The following TARS1 variants were observed in gnomAD, a reference collection of about 807,000 sequenced individuals.
TARS1 encodes the protein threonine--tRNA ligase 1, cytoplasmic.
A neutral mutation model predicts 97.7 loss-of-function variants in TARS1; 57 were observed. The ratio of observed to expected loss-of-function variants is 0.58; its 90% CI spans 0.47 to 0.73. The LOEUF (loss-of-function observed/expected upper bound fraction) is 0.73. Among genes scored for constraint, TARS1 ranks in the 30% least tolerant of loss-of-function variants. TARS1 has a pLI of 0.00. For synonymous variants in TARS1, 312 were observed against 293.7 expected (o/e 1.06, Z -0.64); for missense variants, 806 against 888.3 (o/e 0.91, Z 1.18).
At chr5:33,454,488 C>G (rs1385791348) in intron 4 of TARS1, among the ~76,000 whole-genome samples, 1 of 151,980 alleles carries the variant, frequency 6.6e-6, no homozygotes, top group Non-Finnish European at 1.5e-5. Context: ...CGGGTTGTAC[C>G]ACCTTTGTTT....
intron 2 of TARS1, 33 bp downstream of exon 2, chr5:33,445,437 CAG>C: frequency 6.3e-7 from 1 of 1,585,052 alleles, no homozygotes; most frequent in Non-Finnish European, 8.7e-7. Flanking sequence ...GCTCTGTTAT[CAG>C]AGGTTGGCAA....
In TARS1 at chr5:33,448,678, G is replaced by A. The variant is rs1490217895; in HGVS notation, c.276G>A (p.Gln92=). 1.2e-6 allele frequency: 2 copies of A among 1,613,826 alleles called. No homozygotes were observed. The highest frequency in any genetic ancestry group is 1.7e-6 in the Non-Finnish European group (2 of 1,179,876). ...PIKVTLPDGK[Q]VDAESWKTTP... ...AAGTCACTTTGCCTGATGGTAAACA[G>A]GTTGATGCGGAATCTTGGAAAACTA... Residue 92 remains glutamine, a synonymous_variant, in exon 3 of 19, where the codon CAG becomes CAA. Coordinates refer to ENST00000265112, the MANE Select transcript of TARS1 (RefSeq NM_152295.5).
chr5:33,445,301 T>C (rs1348418698), intron 1 of TARS1, 23 bp from the exon 2 acceptor site: 2 of 1,593,062 alleles, frequency 1.3e-6, no homozygotes, highest in Admixed American at 1.7e-5. Context: ...GATTAAAATA[T>C]AAAACGTTTT....
rs957633367 is a variant in TARS1 at position 33,441,079 on chromosome 5, G to T, written c.-8G>T. On this transcript the variant is annotated 5_prime_UTR_variant, in exon 1 of 19. Coordinates refer to ENST00000265112, the MANE Select transcript of TARS1 (RefSeq NM_152295.5). ...TTTCGGGTTCTCTCATCGCTTCGTC[G>T]TTCGCCAATGTTTGAGGAGAAGGCC... 1.9e-6 allele frequency: 3 copies of T among 1,614,058 alleles called. No individual in the cohort carries two copies. Among genetic ancestry groups the T allele is most frequent in the Middle Eastern group, 1.6e-4 (1 of 6,082 alleles).
rs774448715 is a variant in TARS1, at chr5:33,453,450, C to G, written c.453+38C>G. The G allele has an allele frequency of 8.7e-6, 14 of 1,609,698 alleles. No homozygotes were observed. The African/African-American group carries it at 1.1e-4, about 12-fold the overall frequency. ...TTAGTATTCATTGAATTTTAGGATG[C>G]AGATTCACATTTGAAGTCTTTTCCA... On this transcript the variant is annotated intron_variant, in intron 4 of 18. Transcript: ENST00000265112.
intron 2 of TARS1, among the ~76,000 whole-genome samples, chr5:33,445,821 C>T (rs1561067823): frequency 6.6e-6 from 1 of 152,158 alleles, no homozygotes; most frequent in African/African-American, 2.4e-5. Context: ...TTTTGACCCC[C>T]TCCTTGCCCT....
intron 8 of TARS1, 57 bp downstream of exon 8, chr5:33,456,284 T>G: frequency 3.7e-6 from 5 of 1,337,690 alleles, no homozygotes; most frequent in Non-Finnish European, 5.2e-6. Context: ...GATATATGTT[T>G]AAACTTTCAC....
intron 10 of TARS1, 51 bp from the exon 11 acceptor site, chr5:33,459,644 G>T: frequency 6.2e-7 from 1 of 1,600,216 alleles, no homozygotes; most frequent in South Asian, 1.1e-5. Flanking sequence ...ACTCCCACTT[G>T]AAGTATGAGC....
intron 10 of TARS1, 45 bp from the exon 11 acceptor site, chr5:33,459,650 T>G: frequency 6.2e-7 from 1 of 1,605,508 alleles, no homozygotes; most frequent in Non-Finnish European, 8.5e-7. Context: ...ACTTGAAGTA[T>G]GAGCATTTAT....
chr5:33,461,384 A>G (rs1471612634), intron 13 of TARS1, 89 bp downstream of exon 13: 2 of 1,502,564 alleles, frequency 1.3e-6, no homozygotes, highest in African/African-American at 1.4e-5. Flanking sequence ...TTAAATGGAT[A>G]AAAGCAAAAT....
chr5:33,454,949 A>G lies in TARS1; in HGVS notation c.458A>G (p.Tyr153Cys), dbSNP rs1421610642. The G allele has an allele frequency of 2.5e-6, 4 of 1,613,518 alleles. No homozygotes were observed. The highest frequency in any genetic ancestry group is 2.2e-5 in the East Asian group (1 of 44,854). ...CATTTTTCTTTAAATTTTCAGGTGTATTGGCACTCTAGTGCTCACATAATG... is the reference window on the plus strand; with the variant it reads ...CATTTTTCTTTAAATTTTCAGGTGTGTTGGCACTCTAGTGCTCACATAATG... Reference protein sequence around the residue: ...KFEDEEAQAVYWHSSAHIMGE... With the variant: ...KFEDEEAQAVCWHSSAHIMGE... The change falls in exon 5 of 19, where the codon TAT becomes TGT. Residue 153 changes from tyrosine to cysteine, a missense_variant. By Grantham distance (194) the Tyr-to-Cys change is radical. Transcript: ENST00000265112.
intron 1 of TARS1, among the ~76,000 whole-genome samples, chr5:33,442,638 C>T (rs1212237590): frequency 6.6e-6 from 1 of 152,066 alleles, no homozygotes; most frequent in Non-Finnish European, 1.5e-5. Context: ...CGGGTTCATG[C>T]CATTCTCCTG....
At chr5:33,463,204 T>G (rs1742375726) in intron 16 of TARS1, among the ~76,000 whole-genome samples, 1 of 152,194 alleles carries the variant, frequency 6.6e-6, no homozygotes, top group Middle Eastern at 3.2e-3. Context: ...CAGAAGCATT[T>G]GACACTTGTA....
At chr5:33,456,370 A>G in intron 8 of TARS1, 143 bp downstream of exon 8, 1 of 691,318 alleles carries the variant, frequency 1.4e-6, no homozygotes, top group South Asian at 1.9e-5. Context: ...TGGGAGCTGT[A>G]TGCCATCAGG....
rs2270904 is a variant in TARS1 at position 33,461,121 on chromosome 5, A to G, written c.1414-37A>G. On this transcript the variant is annotated intron_variant, in intron 12 of 18. Transcript: ENST00000265112. The stretch of plus-strand genomic sequence containing the variant: ...AGAAGAGTCAAGAAAGTCAAGGAAA[A>G]TAACTACTGTTTCTTTTTTTGTTTT... 0.15 allele frequency: 240,307 copies of G among 1,603,422 alleles called. 19,407 individuals carry two copies. Among genetic ancestry groups the G allele is most frequent in the South Asian group, 0.26 (22,742 of 88,908 alleles).
chr5:33,467,813 T>G lies in TARS1; in HGVS notation c.*105T>G. 2 of 1,345,066 alleles carry G rather than the reference T, an allele frequency of 1.5e-6. No homozygotes were observed. Among genetic ancestry groups the G allele is most frequent in the Non-Finnish European group, 2.0e-6 (2 of 1,008,422 alleles). The allele number at this position is 1,345,066 out of a possible 1,614,324, so 83.3% of individuals were successfully genotyped here. On this transcript the variant is annotated 3_prime_UTR_variant, in exon 19 of 19. Transcript: ENST00000265112. ...CAATTTATATTGAACTTGGAGGAGT[T>G]TGGCAAAGTCTGAATAGGTCAACCT...
In TARS1 at chr5:33,462,160, G is replaced by A; in HGVS notation, c.1792G>A (p.Glu598Lys). 1 of 1,613,040 alleles carries A rather than the reference G, an allele frequency of 6.2e-7. No individual in the cohort carries two copies. The highest frequency in any genetic ancestry group is 8.5e-7 in the Non-Finnish European group (1 of 1,179,890). The change falls in exon 16 of 19, where the codon GAA becomes AAA. Residue 598 changes from glutamate (E) to lysine (K), a missense_variant. Physicochemically the swap from Glu to Lys is moderately conservative, Grantham distance 56 (BLOSUM62 1). Transcript: ENST00000265112. Reference sequence around the variant, plus strand: ...TCATCGAGCCATCTTGGGATCAGTGGAAAGAATGATTGCTATCCTCACAGA... The same window carrying A: ...TCATCGAGCCATCTTGGGATCAGTGAAAAGAATGATTGCTATCCTCACAGA... ...IVHRAILGSV[E>K]RMIAILTENY...
intron 3 of TARS1, among the ~76,000 whole-genome samples, chr5:33,451,479 A>G (rs1328658459): frequency 2.7e-5 from 4 of 149,984 alleles, no homozygotes; most frequent in Non-Finnish European, 5.9e-5. Flanking sequence ...GGTTGACGCC[A>G]TTCTCCTGCC....
At chr5:33,445,264 G>A in intron 1 of TARS1, 60 bp from the exon 2 acceptor site, 2 of 1,257,948 alleles carry the variant, frequency 1.6e-6, no homozygotes, top group Non-Finnish European at 2.3e-6. Flanking sequence ...ACTTCCTGGG[G>A]CATCACAGGA....
Sources: gnomAD v4.1 joint callset for allele counts (sites outside exome capture counted in the v4.1 genomes callset) on GRCh38, gnomAD v4.1.1 for gene constraint, MANE v1.5 for transcripts, NCBI Gene and HGNC (gene_info 2026-07-23, HGNC 2026-07-21) for gene names.